The following SEM1 variants were observed in gnomAD, a reference collection of about 807,000 sequenced individuals.
SEM1 encodes the protein 26S proteasome complex subunit SEM1.
In SEM1, 3 loss-of-function variants were observed where a neutral mutation model predicts 12.7. That is an observed-to-expected ratio of 0.24 (90% CI 0.11 to 0.61). SEM1 has a LOEUF of 0.61. SEM1 is among the 20% of genes least tolerant of loss of function. SEM1 has a pLI of 0.88. For synonymous variants in SEM1, 30 were observed against 27.8 expected (o/e 1.08, Z -0.25); for missense variants, 59 against 81.3 (o/e 0.73, Z 1.06).
At chr7:96,689,141 CAATAT>C (rs1323427808) in intron 2 of SEM1, among the ~76,000 whole-genome samples, 175 bp from the exon 3 acceptor site, 1 of 151,786 alleles carries the variant, frequency 6.6e-6, no homozygotes, top group African/African-American at 2.4e-5. Context: ...GGATATGAGT[CAATAT>C]AATACTATAA....
intron 2 of SEM1, among the ~76,000 whole-genome samples, chr7:96,610,038 T>G (rs1807493871): frequency 6.6e-6 from 1 of 151,722 alleles, no homozygotes; most frequent in Non-Finnish European, 1.5e-5. Flanking sequence ...ATTGTGAAAT[T>G]GAGAAAGAAA....
intron 2 of SEM1, among the ~76,000 whole-genome samples, chr7:96,528,094 AT>A (rs1016408019): frequency 1.3e-4 from 20 of 152,190 alleles, no homozygotes; most frequent in African/African-American, 4.1e-4. Context: ...CTCAGGGACA[AT>A]TTATGGTATA....
intron 2 of SEM1, among the ~76,000 whole-genome samples, chr7:96,585,427 T>G (rs1806586222): frequency 6.6e-6 from 1 of 151,512 alleles, no homozygotes; most frequent in Non-Finnish European, 1.5e-5. Flanking sequence ...TTTGTTTGTC[T>G]GTGCCCTGCC....
chr7:96,706,056 A>C (rs1407924534), intron 1 of SEM1, among the ~76,000 whole-genome samples: 4 of 152,190 alleles, frequency 2.6e-5, no homozygotes, highest in Non-Finnish European at 5.9e-5. Flanking sequence ...GTAGTCAAGA[A>C]GTTGGAGGCT....
intron 2 of SEM1, among the ~76,000 whole-genome samples, chr7:96,662,660 C>T (rs1412306832): frequency 6.6e-6 from 1 of 152,082 alleles, no homozygotes; most frequent in Non-Finnish European, 1.5e-5. Context: ...ACATTCTGCA[C>T]ATGTATCCCA....
chr7:96,704,682 T>C (rs1314339312), intron 1 of SEM1, among the ~76,000 whole-genome samples: 1 of 152,204 alleles, frequency 6.6e-6, no homozygotes, highest in Non-Finnish European at 1.5e-5. Context: ...ATGTAACTAA[T>C]TCAAATGTTT....
intron 2 of SEM1, among the ~76,000 whole-genome samples, chr7:96,631,190 T>TG (rs1808248057): frequency 6.6e-6 from 1 of 152,142 alleles, no homozygotes; most frequent in South Asian, 2.1e-4. Flanking sequence ...TCACTGTCTC[T>TG]GGGCCCAGTT....
rs1808211488 is a variant in SEM1 at position 96,630,406 on chromosome 7, C to T, written c.171-7763G>A. Among the ~76,000 whole-genome samples the T allele has an allele frequency of 2.0e-5, 3 of 152,180 alleles. No homozygotes were observed. The South Asian group carries it at 6.2e-4, about 32-fold the overall frequency. The stretch of plus-strand genomic sequence containing the variant: ...ACAGAGAGGAGCCTCACCCTGTGGC[C>T]ACACTACCATAGGCTCATGAGGAGT... On this transcript the variant is annotated intron_variant, in intron 2 of 2. Transcript: ENST00000417009.
chr7:96,705,357 CTCA>C (rs1423171008), intron 1 of SEM1, among the ~76,000 whole-genome samples: 1 of 50,874 alleles, frequency 2.0e-5, no homozygotes, highest in African/African-American at 6.8e-5. Context: ...AAGCTTCTCT[CTCA>C]AAAAAAAAAA....
At chr7:96,532,285 G>C (rs1211749352) in intron 2 of SEM1, among the ~76,000 whole-genome samples, 1 of 151,906 alleles carries the variant, frequency 6.6e-6, no homozygotes, top group African/African-American at 2.4e-5. Context: ...ACATTGCCAA[G>C]GCAATATAAA....
At chr7:96,526,198 G>A (rs188060844) in intron 2 of SEM1, among the ~76,000 whole-genome samples, 1 of 152,134 alleles carries the variant, frequency 6.6e-6, no homozygotes, top group East Asian at 1.9e-4. Flanking sequence ...TAGGTGAAGT[G>A]TATTTTTCAG....
chr7:96,503,463 A>G (rs1803640519), intron 3 of SEM1: 1 of 152,164 alleles, frequency 6.6e-6, no homozygotes, highest in African/African-American at 2.4e-5. Context: ...GAGAAAAAGG[A>G]TTAGTCTAGG....
At chr7:96,577,032 G>A (rs182214932) in intron 2 of SEM1, among the ~76,000 whole-genome samples, 38 of 152,002 alleles carry the variant, frequency 2.5e-4, no homozygotes, top group African/African-American at 7.7e-4. Flanking sequence ...CAGGAGGATC[G>A]ATTGAACCCA....
chr7:96,605,300 A>T (rs1807316102), intron 2 of SEM1, among the ~76,000 whole-genome samples: 1 of 152,142 alleles, frequency 6.6e-6, no homozygotes, highest in Non-Finnish European at 1.5e-5. Context: ...AATCCAACGA[A>T]CTATGGTGTC....
chr7:96,487,904 A>G (rs1453002433), intron 1 of SEM1, among the ~76,000 whole-genome samples: 3 of 150,212 alleles, frequency 2.0e-5, no homozygotes, highest in Non-Finnish European at 4.4e-5. Context: ...TTTGACATCA[A>G]TGAGCTGCCA....
chr7:96,675,875 G>A (rs1010400648), intron 2 of SEM1, among the ~76,000 whole-genome samples: 30 of 152,326 alleles, frequency 2.0e-4, no homozygotes, highest in African/African-American at 6.7e-4. Context: ...TGATGCCAGA[G>A]ATGTCCTAGC....
intron 2 of SEM1, among the ~76,000 whole-genome samples, chr7:96,593,387 A>G (rs1806894648): frequency 6.6e-6 from 1 of 152,216 alleles, no homozygotes. Flanking sequence ...AACCTTTTCC[A>G]GAGAATACTT....
chr7:96,619,196 A>G (rs1000307650), downstream of SEM1, among the ~76,000 whole-genome samples: 4 of 152,220 alleles, frequency 2.6e-5, no homozygotes, highest in Non-Finnish European at 5.9e-5. Context: ...TTCCATTGAC[A>G]TCTGCACATC....
At chr7:96,565,628 C>G (rs776805364) in intron 2 of SEM1, among the ~76,000 whole-genome samples, 1 of 151,774 alleles carries the variant, frequency 6.6e-6, no homozygotes, top group African/African-American at 2.4e-5. Flanking sequence ...ATTTAATAGT[C>G]TGAAGCTTGA....
Sources: gnomAD v4.1 joint callset for allele counts (sites outside exome capture counted in the v4.1 genomes callset) on GRCh38, gnomAD v4.1.1 for gene constraint, MANE v1.5 for transcripts, NCBI Gene and HGNC (gene_info 2026-07-23, HGNC 2026-07-21) for gene names.